PLXNA4: variants seen among roughly 807,000 people sequenced by gnomAD.
The protein encoded by PLXNA4 is plexin-A4.
PLXNA4 carries 44 observed loss-of-function variants against 191.8 expected under a neutral mutation model. The ratio of observed to expected loss-of-function variants is 0.23; its 90% CI spans 0.18 to 0.29. The LOEUF is 0.29. PLXNA4 is among the 10% of genes least tolerant of loss of function. The pLI, the probability that PLXNA4 is intolerant of heterozygous loss-of-function variation, is 1.00. For missense variants in PLXNA4, 1,800 were observed against 2,488.8 expected (o/e 0.72, Z 5.89); for synonymous variants, 1,082 against 1,009.5 (o/e 1.07, Z -1.36).
chr7:132,132,468 C>CTGCTCTGT lies in PLXNA4; in HGVS notation c.5589+580_5589+581insACAGAGCA, dbSNP rs1563048357. Among the ~76,000 whole-genome samples, 70 of 44,584 alleles carry CTGCTCTGT rather than the reference C, an allele frequency of 1.6e-3. 2 individuals carry two copies. The highest frequency in any genetic ancestry group is 5.6e-3 in the African/African-American group (68 of 12,214). 29.2% of individuals were successfully genotyped at this position (44,584 alleles called of 152,430 possible). A position where few individuals can be genotyped will look rare whatever the true frequency, so the allele number is the denominator to read the frequency against. On this transcript the variant is annotated intron_variant, in intron 31 of 31. Transcript: ENST00000321063. ...TTCTGTTCTGTTCTGTTCTGTTCTG[C>CTGCTCTGT]TCTGCTCTGCTCTGCTCTGCTCTAT...
At chr7:132,555,511 A>G (rs895439095) in intron 1 of PLXNA4, among the ~76,000 whole-genome samples, 4 of 152,238 alleles carry the variant, frequency 2.6e-5, no homozygotes, top group East Asian at 1.9e-4. Flanking sequence ...ACAATTTTCA[A>G]TAATATTACC....
At chr7:132,148,058 A>G in intron 26 of PLXNA4, 59 bp from the exon 27 acceptor site, 1 of 1,612,714 alleles carries the variant, frequency 6.2e-7, no homozygotes, top group Non-Finnish European at 8.5e-7. Context: ...CCAGGAAATA[A>G]GGACAAATCA....
intron 3 of PLXNA4, among the ~76,000 whole-genome samples, chr7:132,471,796 A>G (rs1585184750): frequency 6.6e-6 from 1 of 152,268 alleles, no homozygotes; most frequent in South Asian, 2.1e-4. Flanking sequence ...CTTGTAAAAC[A>G]CCAGCCACCT....
intron 3 of PLXNA4, among the ~76,000 whole-genome samples, chr7:132,375,394 C>T (rs182556874): frequency 6.6e-6 from 1 of 152,062 alleles, no homozygotes; most frequent in African/African-American, 2.4e-5. Context: ...GTAGAAAAGG[C>T]TCAAGAATAA....
At position 132,377,150 on chromosome 7, in the gene PLXNA4, A is replaced by G. The variant is rs375643314; in HGVS notation, c.1372-78928T>C. ...AAGGCTATTTAGGAAAAGCCAGAGAATACGAGATGCTTATGTTATGAAATA... is the reference window on the plus strand; with the variant it reads ...AAGGCTATTTAGGAAAAGCCAGAGAGTACGAGATGCTTATGTTATGAAATA... On this transcript the variant is annotated intron_variant, in intron 3 of 31. Coordinates refer to ENST00000321063, the MANE Select transcript of PLXNA4 (RefSeq NM_020911.2). 6.2e-4 allele frequency among the ~76,000 whole-genome samples: 94 copies of G among 152,336 alleles called. 2 individuals carry two copies. The South Asian group carries it at 0.019, about 31-fold the overall frequency.
chr7:132,616,748 G>A (rs984842308), intron 2 of PLXNA4, among the ~76,000 whole-genome samples: 3 of 152,080 alleles, frequency 2.0e-5, no homozygotes, highest in African/African-American at 7.2e-5. Flanking sequence ...ATCCTCTTGT[G>A]CACCTCCTGG....
At chr7:132,211,523 G>A (rs976487988) in intron 9 of PLXNA4, among the ~76,000 whole-genome samples, 1 of 152,214 alleles carries the variant, frequency 6.6e-6, no homozygotes, top group African/African-American at 2.4e-5. Context: ...CTAAGTTCCA[G>A]GCTGTCAAGA....
intron 3 of PLXNA4, among the ~76,000 whole-genome samples, chr7:132,415,159 G>C (rs1472440863): frequency 6.6e-6 from 1 of 152,240 alleles, no homozygotes; most frequent in African/African-American, 2.4e-5. Context: ...TCCCTTGGGA[G>C]ATCAAGTTGG....
At chr7:132,248,599 T>C (rs1398281809) in intron 4 of PLXNA4, among the ~76,000 whole-genome samples, 5 of 152,182 alleles carry the variant, frequency 3.3e-5, no homozygotes, top group Non-Finnish European at 2.9e-5. Flanking sequence ...ATGTAACTTG[T>C]ACAAGTTCAG....
intron 4 of PLXNA4, among the ~76,000 whole-genome samples, chr7:132,243,850 T>C (rs35971464): frequency 0.4 from 60,989 of 151,846 alleles, 12,856 homozygotes; most frequent in East Asian, 0.69. Flanking sequence ...CCTCTGACAG[T>C]CTTCCAAGGC....
At chr7:132,615,130 C>CGG (rs1052541159) in intron 2 of PLXNA4, among the ~76,000 whole-genome samples, 1 of 152,112 alleles carries the variant, frequency 6.6e-6, no homozygotes, top group Non-Finnish European at 1.5e-5. Context: ...TTTTGCCTCC[C>CGG]TACCTAGGGA....
chr7:132,506,462 A>G (rs1410789347), intron 2 of PLXNA4, among the ~76,000 whole-genome samples: 1 of 152,234 alleles, frequency 6.6e-6, no homozygotes, highest in Non-Finnish European at 1.5e-5. Flanking sequence ...AAATTAGAGA[A>G]TTGATGTTCT....
chr7:132,484,470 C>T (rs998236951), intron 3 of PLXNA4, among the ~76,000 whole-genome samples: 2 of 152,170 alleles, frequency 1.3e-5, no homozygotes, highest in Non-Finnish European at 2.9e-5. Flanking sequence ...TTTGCAAAAC[C>T]AGGGATGGAA....
At chr7:132,563,346 T>TC (rs1283319946) in intron 1 of PLXNA4, among the ~76,000 whole-genome samples, 2 of 108,908 alleles carry the variant, frequency 1.8e-5, no homozygotes, top group Non-Finnish European at 1.9e-5. Context: ...CTTCTCCTCC[T>TC]CTTTCTCCTC....
At chr7:132,435,516 G>A (rs1795437047) in intron 3 of PLXNA4, among the ~76,000 whole-genome samples, 1 of 152,172 alleles carries the variant, frequency 6.6e-6, no homozygotes, top group South Asian at 2.1e-4. Context: ...AAAGAGAACA[G>A]AGGGCAAAGG....
intron 2 of PLXNA4, among the ~76,000 whole-genome samples, chr7:132,503,806 C>T (rs1798350310): frequency 6.6e-6 from 1 of 152,162 alleles, no homozygotes; most frequent in African/African-American, 2.4e-5. Context: ...TCTGACAGAC[C>T]CTCTAGGACC....
intron 5 of PLXNA4, among the ~76,000 whole-genome samples, chr7:132,236,593 C>G (rs1798709122): frequency 6.6e-6 from 1 of 152,148 alleles, no homozygotes; most frequent in Non-Finnish European, 1.5e-5. Context: ...AGGCCTGGTT[C>G]CCCAAAATCT....
chr7:132,486,135 C>T (rs1003778746), intron 3 of PLXNA4, among the ~76,000 whole-genome samples: 1 of 152,112 alleles, frequency 6.6e-6, no homozygotes, highest in African/African-American at 2.4e-5. Flanking sequence ...TATTACAGGG[C>T]TCAGAGAAAC....
intron 3 of PLXNA4, among the ~76,000 whole-genome samples, chr7:132,407,361 T>C (rs1351858728): frequency 6.6e-6 from 1 of 152,200 alleles, no homozygotes; most frequent in African/African-American, 2.4e-5. Context: ...GCACCCATTT[T>C]CTAGTGTGAG....
Sources: allele counts gnomAD v4.1 joint callset (sites outside exome capture counted in the v4.1 genomes callset), GRCh38; gene constraint gnomAD v4.1.1; transcripts MANE v1.5; gene names NCBI Gene and HGNC (gene_info 2026-07-23, HGNC 2026-07-21).